Variants in CASK observed in about 807,000 individuals in gnomAD.
CASK encodes calcium/calmodulin dependent serine protein kinase, also known as peripheral plasma membrane protein CASK.
Under a neutral mutation model 82.9 loss-of-function variants are expected in CASK, and 4 were observed. The observed-to-expected ratio is 0.05, with a 90% CI of 0.02 to 0.11. The LOEUF (loss-of-function observed/expected upper bound fraction) is 0.11, where lower values mean the gene tolerates loss of function less well. Ranked by LOEUF, CASK falls within the 10% of genes least tolerant of loss-of-function variation. The pLI is 1.00. For missense variants in CASK, 358 were observed against 720.9 expected (o/e 0.50, Z 5.76); for synonymous variants, 259 against 253.5 (o/e 1.02, Z -0.20).
chrX:41,823,043 G>A (rs1157666022), intron 2 of CASK, among the ~76,000 whole-genome samples: 1 of 73,225 alleles, frequency 1.4e-5, no homozygotes, highest in Non-Finnish European at 2.4e-5. Context: ...CGGGGGTGGG[G>A]GGAGGGGCCT....
At chrX:41,861,715 G>A (rs754358710) in intron 1 of CASK, among the ~76,000 whole-genome samples, 13 of 100,361 alleles carry the variant, frequency 1.3e-4, no homozygotes, top group South Asian at 8.4e-4. Flanking sequence ...ATGTGTGTGC[G>A]TGTATATATA....
At chrX:41,561,811 A>G in intron 16 of CASK, 167 bp from the exon 17 acceptor site, 7 of 448,143 alleles carry the variant, frequency 1.6e-5, no homozygotes, top group Non-Finnish European at 2.7e-5. Flanking sequence ...TCATGTAGTA[A>G]CCTCATCAAA....
At chrX:41,695,563 T>G (rs1375623822) in intron 5 of CASK, 1 of 713,366 alleles carries the variant, frequency 1.4e-6, no homozygotes, top group African/African-American at 2.1e-5. Flanking sequence ...AGGAAAAATC[T>G]GAAGACATAA....
At chrX:41,696,430 G>A (rs1169636234) in intron 5 of CASK, 12 of 1,189,957 alleles carry the variant, frequency 1.0e-5, no homozygotes, top group African/African-American at 7.1e-5. Context: ...ACTACAGCTC[G>A]TAACTCCTTT....
At chrX:41,539,810 T>C (rs751014343) in intron 22 of CASK, among the ~76,000 whole-genome samples, 2 of 112,023 alleles carry the variant, frequency 1.8e-5, no homozygotes, top group Non-Finnish European at 3.8e-5. Flanking sequence ...AGTTGGTTGA[T>C]GACACAGAAG....
chrX:41,862,542 G>GAA (rs35462461), intron 1 of CASK, among the ~76,000 whole-genome samples: 18 of 32,833 alleles, frequency 5.5e-4, no homozygotes, highest in Admixed American at 8.5e-4. Flanking sequence ...CTCTGTCTCA[G>GAA]AAAAAAAAAA....
At chrX:41,894,597 T>TAAAAAAAAAAAAA (rs1209248352) in intron 1 of CASK, among the ~76,000 whole-genome samples, 1 of 40,485 alleles carries the variant, frequency 2.5e-5, no homozygotes, top group Non-Finnish European at 4.6e-5. Flanking sequence ...ACCCAAATAT[T>TAAAAAAAAAAAAA]AAAAAAAAAA....
chrX:41,574,703 G>A (rs1014958574), intron 15 of CASK, among the ~76,000 whole-genome samples: 1 of 111,883 alleles, frequency 8.9e-6, no homozygotes. Flanking sequence ...GCCTCGAATG[G>A]AGCCCGGAAA....
chrX:41,671,159 T>G (rs2067192041), intron 6 of CASK, among the ~76,000 whole-genome samples: 1 of 112,440 alleles, frequency 8.9e-6, no homozygotes, highest in Admixed American at 9.4e-5. Flanking sequence ...CTCAAACTTA[T>G]TTTCTCTGAA....
chrX:41,757,828 G>A (rs2068926043), intron 3 of CASK, among the ~76,000 whole-genome samples: 1 of 112,072 alleles, frequency 8.9e-6, no homozygotes, highest in Non-Finnish European at 1.9e-5. Context: ...ATGGGTAGGT[G>A]CCTTCTGGTC....
At chrX:41,527,309 G>A (rs1315401115) in intron 25 of CASK, among the ~76,000 whole-genome samples, 7 of 110,383 alleles carry the variant, frequency 6.3e-5, no homozygotes, top group African/African-American at 2.3e-4. Context: ...ATATGGACAG[G>A]GAGAGAAAGA....
chrX:41,622,587 C>T (rs1194042537), intron 11 of CASK, 30 bp downstream of exon 11: 11 of 1,171,699 alleles, frequency 9.4e-6, no homozygotes, highest in African/African-American at 5.3e-5. Flanking sequence ...ATAAAAGATA[C>T]ACCTTAAAGG....
intron 2 of CASK, among the ~76,000 whole-genome samples, chrX:41,809,598 T>C (rs760373256): frequency 9.0e-6 from 1 of 111,684 alleles, no homozygotes; most frequent in African/African-American, 3.3e-5. Context: ...TACGTCACCA[T>C]GATCAAAGAC....
rs149250269 is a variant in CASK, at chrX:41,899,706, T to A, written c.59+23224A>T. 2.0e-4 allele frequency among the ~76,000 whole-genome samples: 23 copies of A among 112,236 alleles called. No homozygotes were observed. The East Asian group carries it at 5.9e-3, about 29-fold the overall frequency. On this transcript the variant is annotated intron_variant, in intron 1 of 26. Coordinates refer to ENST00000378163, the MANE Select transcript of CASK (RefSeq NM_001367721.1). Reference sequence around the variant, plus strand: ...TATTATTGATGTCACAATTTACAGCTTGTATATATTGCATATCAACAAATT... The same window carrying A: ...TATTATTGATGTCACAATTTACAGCATGTATATATTGCATATCAACAAATT...
chrX:41,552,152 G>C (rs2065108557), intron 21 of CASK, among the ~76,000 whole-genome samples: 1 of 106,779 alleles, frequency 9.4e-6, no homozygotes, highest in Non-Finnish European at 1.9e-5. Flanking sequence ...GGTCAGGCTA[G>C]CTTCGAACTC....
At chrX:41,633,768 T>C (rs1193186552) in intron 9 of CASK, among the ~76,000 whole-genome samples, 2 of 107,128 alleles carry the variant, frequency 1.9e-5, no homozygotes, top group African/African-American at 3.4e-5. Flanking sequence ...TTTTTTCTCT[T>C]TTTTTTTTTG....
chrX:41,531,225 G>C lies in CASK; in HGVS notation c.2318-16C>G. ...CTGGTTGTATCTGCAAAGTCGCATGGCACAAGAGGTTTAAAAGGCTGAGCT... is the reference window on the plus strand; with the variant it reads ...CTGGTTGTATCTGCAAAGTCGCATGCCACAAGAGGTTTAAAAGGCTGAGCT... On this transcript the variant is annotated splice_polypyrimidine_tract_variant and intron_variant, in intron 24 of 26. Transcript: ENST00000378163. 1 of 1,171,426 alleles carries C rather than the reference G, an allele frequency of 8.5e-7. No homozygotes were observed. Among genetic ancestry groups the C allele is most frequent in the Non-Finnish European group, 1.2e-6 (1 of 858,601 alleles).
At chrX:41,922,786 T>TATAA in intron 1 of CASK, 144 bp downstream of exon 1, 5 of 559,234 alleles carry the variant, frequency 8.9e-6, no homozygotes, top group Non-Finnish European at 1.5e-5. Context: ...GGTACACGTC[T>TATAA]ATAAATACTC....
chrX:41,800,414 T>C (rs894437403), intron 2 of CASK, among the ~76,000 whole-genome samples: 1 of 111,373 alleles, frequency 9.0e-6, no homozygotes, highest in Non-Finnish European at 1.9e-5. Context: ...GGGAAGGGTA[T>C]AGCAAGTCTC....
Sources: gnomAD v4.1 joint callset for allele counts (sites outside exome capture counted in the v4.1 genomes callset) on GRCh38, gnomAD v4.1.1 for gene constraint, MANE v1.5 for transcripts, NCBI Gene and HGNC (gene_info 2026-07-23, HGNC 2026-07-21) for gene names.